The following ZC2HC1B variants were observed in gnomAD, a reference collection of about 807,000 sequenced individuals.
ZC2HC1B encodes the protein zinc finger C2HC domain-containing protein 1B.
ZC2HC1B carries 36 observed loss-of-function variants against 31.0 expected under a neutral mutation model. The observed-to-expected ratio is 1.16, with a 90% CI of 0.89 to 1.54. The LOEUF (loss-of-function observed/expected upper bound fraction) is 1.54, where lower values mean the gene tolerates loss of function less well. Ranked by LOEUF, ZC2HC1B falls within the 40% of genes most tolerant of loss-of-function variation. The pLI, the probability that ZC2HC1B is intolerant of heterozygous loss-of-function variation, is 0.00. For missense variants in ZC2HC1B, 260 were observed against 268.6 expected (o/e 0.97, Z 0.22); for synonymous variants, 73 against 88.0 (o/e 0.83, Z 0.95).
rs966105455 is a variant in ZC2HC1B at position 143,922,204 on chromosome 6, A to G, written c.599-15445A>G. Among the ~76,000 whole-genome samples, 3 of 152,168 alleles carry G rather than the reference A, an allele frequency of 2.0e-5. No individual in the cohort carries two copies. Among genetic ancestry groups the G allele is most frequent in the Non-Finnish European group, 4.4e-5 (3 of 68,034 alleles). Reference sequence around the variant, plus strand: ...TGTGGTCTTTTTGTTGATATATAATATTTGTACATGTTTATGGAATACATG... The same window carrying G: ...TGTGGTCTTTTTGTTGATATATAATGTTTGTACATGTTTATGGAATACATG... On this transcript the variant is annotated intron_variant, in intron 6 of 7. Coordinates refer to ENST00000237275, the MANE Select transcript of ZC2HC1B (RefSeq NM_001013623.3). The surrounding 1 kb of genome is among the most constrained non-coding windows in gnomAD (Gnocchi z 5.0).
intron 6 of ZC2HC1B, among the ~76,000 whole-genome samples, chr6:143,927,920 G>C (rs1778071145): frequency 6.6e-6 from 1 of 151,940 alleles, no homozygotes; most frequent in East Asian, 1.9e-4. Flanking sequence ...TGCTTTTTGG[G>C]CATTTTTATG....
At chr6:143,936,666 A>G (rs537246850) in intron 6 of ZC2HC1B, among the ~76,000 whole-genome samples, 2 of 152,374 alleles carry the variant, frequency 1.3e-5, no homozygotes, top group South Asian at 2.1e-4. Flanking sequence ...TAATGTCACT[A>G]TGAGCATGTA....
chr6:143,916,085 G>T (rs1777913568), intron 6 of ZC2HC1B, among the ~76,000 whole-genome samples: 1 of 152,204 alleles, frequency 6.6e-6, no homozygotes, highest in African/African-American at 2.4e-5. Flanking sequence ...GGAAAAAATG[G>T]TTTTGTGGGC....
At position 143,908,790 on chromosome 6, in the gene ZC2HC1B, CT is replaced by C. The variant is rs1777825440; in HGVS notation, c.598+5639del. On this transcript the variant is annotated intron_variant, in intron 6 of 7. Coordinates refer to ENST00000237275, the MANE Select transcript of ZC2HC1B (RefSeq NM_001013623.3). The surrounding 1 kb of genome is among the most constrained non-coding windows in gnomAD (Gnocchi z 4.4). ...TCTTTCTTTGTTTTGCCTGATTGCC[CT>C]GGACAGAACTTCCAGTACTATGTTC... 6.6e-6 allele frequency among the ~76,000 whole-genome samples: 1 copy of C among 152,132 alleles called. No homozygotes were observed. The highest frequency in any genetic ancestry group is 1.5e-5 in the Non-Finnish European group (1 of 68,034).
intron 7 of ZC2HC1B, 35 bp downstream of exon 7, chr6:143,937,768 G>T (rs572254996): frequency 6.8e-7 from 1 of 1,470,570 alleles, no homozygotes; most frequent in Non-Finnish European, 9.2e-7. Context: ...TCCAGCTGTT[G>T]CTGACCAGTT....
At chr6:143,919,257 GTGTGTGTGTA>G (rs1221054707) in intron 6 of ZC2HC1B, among the ~76,000 whole-genome samples, 1 of 150,782 alleles carries the variant, frequency 6.6e-6, no homozygotes, top group East Asian at 1.9e-4. Flanking sequence ...GTGTGTGTGT[GTGTGTGTGTA>G]TGTGACTGTC....
chr6:143,925,099 G>T (rs1171756276), intron 6 of ZC2HC1B, among the ~76,000 whole-genome samples: 1 of 148,308 alleles, frequency 6.7e-6, no homozygotes, highest in Non-Finnish European at 1.5e-5. Context: ...GCATTTGGAA[G>T]TAAAGACATC....
chr6:143,893,930 C>A (rs766192068), intron 4 of ZC2HC1B, among the ~76,000 whole-genome samples: 1 of 152,148 alleles, frequency 6.6e-6, no homozygotes, highest in Non-Finnish European at 1.5e-5. Context: ...TCGTGATCCA[C>A]CCACCTCAGC....
rs1269564822 is a variant in ZC2HC1B at position 143,924,906 on chromosome 6, T to C, written c.599-12743T>C. On this transcript the variant is annotated intron_variant, in intron 6 of 7. Transcript: ENST00000237275. This position sits in a 1 kb window ranked among gnomAD's most constrained non-coding sequence, Gnocchi z 5.2. ...ACTTTGCTAGTATTTTGTTGAAGCT[T>C]TTTTGTGTCTGTGTTCATCAGGGGT... Among the ~76,000 whole-genome samples the C allele has an allele frequency of 6.6e-6, 1 of 152,148 alleles. No homozygotes were observed. Among genetic ancestry groups the C allele is most frequent in the Non-Finnish European group, 1.5e-5 (1 of 68,024 alleles).
chr6:143,900,737 C>A (rs1233637597), intron 5 of ZC2HC1B, among the ~76,000 whole-genome samples: 2 of 152,060 alleles, frequency 1.3e-5, no homozygotes, highest in African/African-American at 4.8e-5. Context: ...AGCTCCAGAG[C>A]CTGGAGAGAC....
At chr6:143,914,439 A>C (rs1272451835) in intron 6 of ZC2HC1B, among the ~76,000 whole-genome samples, 1 of 152,198 alleles carries the variant, frequency 6.6e-6, no homozygotes, top group Non-Finnish European at 1.5e-5. Context: ...AAGACACTTC[A>C]TATGATATAT....
At chr6:143,898,283 G>C (rs904565157) in intron 4 of ZC2HC1B, among the ~76,000 whole-genome samples, 1 of 152,028 alleles carries the variant, frequency 6.6e-6, no homozygotes, top group African/African-American at 2.4e-5. Flanking sequence ...CTGGGCTCAA[G>C]CTATCCTCTC....
rs1286384344 is a variant in ZC2HC1B at position 143,937,690 on chromosome 6, G to A, written c.640G>A (p.Gly214Arg). 1 of 1,550,954 alleles carries A rather than the reference G, an allele frequency of 6.4e-7. No homozygotes were observed. The highest frequency in any genetic ancestry group is 1.2e-5 in the South Asian group (1 of 83,880). The change falls in exon 7 of 8, where the codon GGA becomes AGA. Residue 214 changes from glycine (G) to arginine (R), a missense_variant. Gly to Arg is a moderately radical substitution (Grantham distance 125). Transcript: ENST00000237275. ...DPASGAKLRQGFSKSSKKD is the reference protein window; with the variant it reads ...DPASGAKLRQRFSKSSKKD Reference sequence around the variant, plus strand: ...TGCTTCTGGAGCAAAACTCAGACAAGGATTTAGTAAATCTTCTAAAAAAGA... The same window carrying A: ...TGCTTCTGGAGCAAAACTCAGACAAAGATTTAGTAAATCTTCTAAAAAAGA...
chr6:143,920,906 C>CA (rs59847897), intron 6 of ZC2HC1B, among the ~76,000 whole-genome samples: 350 of 91,246 alleles, frequency 3.8e-3, no homozygotes, highest in South Asian at 6.4e-3. Flanking sequence ...GACTCCGTCT[C>CA]AAAAAAAAAA....
chr6:143,898,439 G>T, intron 4 of ZC2HC1B, 113 bp from the exon 5 acceptor site: 1 of 1,317,834 alleles, frequency 7.6e-7, no homozygotes, highest in Non-Finnish European at 1.0e-6. Context: ...GGGATTACTG[G>T]CATGAGCCAT....
chr6:143,932,666 G>A (rs895301844), intron 6 of ZC2HC1B, among the ~76,000 whole-genome samples: 6 of 152,212 alleles, frequency 3.9e-5, no homozygotes, highest in African/African-American at 1.4e-4. Flanking sequence ...GCAGTTCAGA[G>A]ATTGCTTCTT....
rs565161598 is a variant in ZC2HC1B, at chr6:143,889,594, T to C, written c.349+2773T>C. ...TATTAACAGATGATGATTCAAATGATAAATACATCAAGAAGACCTATCAGT... is the reference window on the plus strand; with the variant it reads ...TATTAACAGATGATGATTCAAATGACAAATACATCAAGAAGACCTATCAGT... On this transcript the variant is annotated intron_variant, in intron 4 of 7. Coordinates refer to ENST00000237275, the MANE Select transcript of ZC2HC1B (RefSeq NM_001013623.3). Among the ~76,000 whole-genome samples, 16 of 152,214 alleles carry C rather than the reference T, an allele frequency of 1.1e-4. No individual in the cohort carries two copies. The South Asian group carries it at 3.3e-3, about 32-fold the overall frequency.
intron 4 of ZC2HC1B, among the ~76,000 whole-genome samples, chr6:143,893,779 C>T (rs1386912162): frequency 6.6e-6 from 1 of 151,974 alleles, no homozygotes; most frequent in Non-Finnish European, 1.5e-5. Context: ...CTCCGCCTCC[C>T]AGGTTCACGC....
At chr6:143,935,840 G>A (rs1435500043) in intron 6 of ZC2HC1B, among the ~76,000 whole-genome samples, 1 of 151,492 alleles carries the variant, frequency 6.6e-6, no homozygotes, top group Non-Finnish European at 1.5e-5. Flanking sequence ...ATTTGTAGAG[G>A]TGAGGTATTA....
Sources: allele counts gnomAD v4.1 joint callset (sites outside exome capture counted in the v4.1 genomes callset), GRCh38; gene constraint gnomAD v4.1.1; non-coding constraint Gnocchi (gnomAD v3.1); transcripts MANE v1.5; gene names NCBI Gene and HGNC (gene_info 2026-07-23, HGNC 2026-07-21).